Variants in PSAP observed in about 807,000 individuals in gnomAD.
PSAP encodes precursor of saposins.
PSAP carries 25 observed loss-of-function variants against 66.0 expected under a neutral mutation model. That is an observed-to-expected ratio of 0.38 (90% CI 0.28 to 0.53). The LOEUF is 0.53. PSAP is among the 20% of genes least tolerant of loss of function. The pLI, the probability that PSAP is intolerant of heterozygous loss-of-function variation, is 0.83. For missense variants in PSAP, 649 were observed against 668.8 expected (o/e 0.97, Z 0.33); for synonymous variants, 273 against 258.9 (o/e 1.05, Z -0.52).
intron 1 of PSAP, among the ~76,000 whole-genome samples, chr10:71,848,048 G>T (rs1028266882): frequency 6.6e-6 from 1 of 152,144 alleles, no homozygotes; most frequent in African/African-American, 2.4e-5. Flanking sequence ...CTTACACCTA[G>T]CTGATGAACA....
intron 1 of PSAP, among the ~76,000 whole-genome samples, chr10:71,844,464 G>C (rs1842783826): frequency 6.6e-6 from 1 of 152,166 alleles, no homozygotes; most frequent in African/African-American, 2.4e-5. Context: ...TCAGGAGTTT[G>C]AGACCAGCCT....
rs1244889985 is a variant in PSAP at position 71,821,961 on chromosome 10, TTCACCTCA to T, written c.816_823del (p.Asp272GlufsTer29). 1.9e-6 allele frequency: 3 copies of T among 1,614,150 alleles called. No homozygotes were observed. Among genetic ancestry groups the T allele is most frequent in the African/African-American group, 1.3e-5 (1 of 75,016 alleles). ...GACCAGAGTCTGCATGGGCATCTCT[TTCACCTCA>T]TCACAGAACCCAACCAGCGCACAGA... On this transcript the variant is annotated frameshift_variant, in exon 8 of 14. Coordinates refer to ENST00000394936, the MANE Select transcript of PSAP (RefSeq NM_002778.4). LOFTEE classifies it high-confidence loss of function.
chr10:71,849,495 G>A (rs1222201797), intron 1 of PSAP, among the ~76,000 whole-genome samples: 3 of 152,110 alleles, frequency 2.0e-5, no homozygotes, highest in Non-Finnish European at 4.4e-5. Flanking sequence ...CAGAACTTTG[G>A]GAGGCTGAGG....
intron 5 of PSAP, 65 bp downstream of exon 5, chr10:71,828,812 C>T (rs1842449667): frequency 6.4e-7 from 1 of 1,573,490 alleles, no homozygotes; most frequent in African/African-American, 1.3e-5. Context: ...CCCTCTCTGT[C>T]CCTTTGGTCT....
intron 11 of PSAP, 50 bp from the exon 12 acceptor site, chr10:71,819,161 T>C (rs201769418): frequency 5.0e-5 from 76 of 1,520,432 alleles, no homozygotes; most frequent in African/African-American, 2.1e-4. Flanking sequence ...TGTCCGAGCA[T>C]AGTGGGGCAC....
chr10:71,845,115 A>G (rs916531449), intron 1 of PSAP, among the ~76,000 whole-genome samples: 18 of 152,272 alleles, frequency 1.2e-4, no homozygotes, highest in African/African-American at 4.3e-4. Flanking sequence ...ACATATATAA[A>G]TAAGATTTGG....
chr10:71,818,978 AGC>A lies in PSAP; in HGVS notation c.1431+51_1431+52del. On this transcript the variant is annotated intron_variant, in intron 12 of 13. Transcript: ENST00000394936. The stretch of plus-strand genomic sequence containing the variant: ...CAGAGCAACCCTTCCGGGTCTCTGC[AGC>A]CCCCCAGGTTACAGCTGCCCGAGAG... The A allele has an allele frequency of 3.3e-6, 5 of 1,529,738 alleles. No homozygotes were observed. In the East Asian group the frequency reaches 1.1e-4, roughly 35 times the overall value. The allele number at this position is 1,529,738 out of a possible 1,614,324, so 94.8% of individuals were successfully genotyped here.
At chr10:71,843,172 G>A (rs909815309) in intron 1 of PSAP, among the ~76,000 whole-genome samples, 2 of 152,236 alleles carry the variant, frequency 1.3e-5, no homozygotes, top group Non-Finnish European at 2.9e-5. Context: ...GGACCCGAAT[G>A]CACAGAGAGG....
chr10:71,827,717 A>G (rs1225772497), intron 6 of PSAP, among the ~76,000 whole-genome samples: 1 of 143,434 alleles, frequency 7.0e-6, no homozygotes, highest in African/African-American at 2.6e-5. Flanking sequence ...ACAGAGCAAC[A>G]CTCAGTCTCA....
chr10:71,829,457 T>C (rs1842468096), intron 4 of PSAP, among the ~76,000 whole-genome samples: 1 of 152,198 alleles, frequency 6.6e-6, no homozygotes, highest in South Asian at 2.1e-4. Flanking sequence ...CATGATCTGA[T>C]GGTTTTATAA....
chr10:71,826,391 T>C (rs1452343135), intron 6 of PSAP, among the ~76,000 whole-genome samples: 1 of 152,220 alleles, frequency 6.6e-6, no homozygotes, highest in African/African-American at 2.4e-5. Context: ...CTCCACAGAA[T>C]TGCTCCTTGT....
Position 71,831,175 on chromosome 10 carries a change from A to G in PSAP, c.326T>C (p.Ile109Thr). 2 of 1,614,130 alleles carry G rather than the reference A, an allele frequency of 1.2e-6. No individual in the cohort carries two copies. The stretch of plus-strand genomic sequence containing the variant: ...GATGACAGGGAGGTAGGAGTCCACT[A>G]TCTCCTTGCATGAAGCAGACATGTT... ...KPNMSASCKE[I>T]VDSYLPVILD... Residue 109 changes from isoleucine to threonine, a missense_variant, in exon 4 of 14, where the codon ATA (isoleucine) becomes ACA (threonine). Coordinates refer to ENST00000394936, the MANE Select transcript of PSAP (RefSeq NM_002778.4).
At position 71,826,082 on chromosome 10, in the gene PSAP, A is replaced by C. The variant is rs148967875; in HGVS notation, c.721-189T>G. 4.5e-3 allele frequency among the ~76,000 whole-genome samples: 686 copies of C among 152,356 alleles called. 5 individuals carry two copies. Among genetic ancestry groups the C allele is most frequent in the African/African-American group, 0.015 (637 of 41,576 alleles). On this transcript the variant is annotated intron_variant, in intron 6 of 13. Transcript: ENST00000394936. ...ATGAAAATGACAATTTGGTTACTCT[A>C]TCATTTATAGGAAATGTGTGCAAAA...
chr10:71,828,719 T>G (rs1249195140), intron 5 of PSAP, among the ~76,000 whole-genome samples, 158 bp downstream of exon 5: 1 of 152,194 alleles, frequency 6.6e-6, no homozygotes, highest in Non-Finnish European at 1.5e-5. Flanking sequence ...TTTAGAAACT[T>G]CATGGTACAA....
chr10:71,822,070 T>C lies in PSAP; in HGVS notation c.778-63A>G, dbSNP rs186687235. On this transcript the variant is annotated intron_variant, in intron 7 of 13. Coordinates refer to ENST00000394936, the MANE Select transcript of PSAP (RefSeq NM_002778.4). ...TACGCCCACTGCTCCTCAGTCCCAATCCAGCCAGAGGACAGGGAGCTGGAC... is the reference window on the plus strand; with the variant it reads ...TACGCCCACTGCTCCTCAGTCCCAACCCAGCCAGAGGACAGGGAGCTGGAC... The C allele has an allele frequency of 9.3e-6, 15 of 1,611,626 alleles. No homozygotes were observed. In the South Asian group the frequency reaches 1.2e-4, roughly 13 times the overall value.
intron 12 of PSAP, 147 bp downstream of exon 12, chr10:71,818,884 G>A (rs2133029207): frequency 2.0e-6 from 2 of 1,014,338 alleles, no homozygotes; most frequent in Admixed American, 1.9e-5. Flanking sequence ...TGGGGCTTGG[G>A]GGGCTGGCTC....
intron 1 of PSAP, among the ~76,000 whole-genome samples, chr10:71,846,095 A>T (rs1842817024): frequency 6.6e-6 from 1 of 152,122 alleles, no homozygotes; most frequent in Admixed American, 6.5e-5. Context: ...ACAGCAACAA[A>T]GAATACTAAC....
chr10:71,834,306 T>G, intron 2 of PSAP, 66 bp downstream of exon 2: 1 of 1,607,638 alleles, frequency 6.2e-7, no homozygotes, highest in South Asian at 1.1e-5. Flanking sequence ...TGGCAGTGAG[T>G]TACAGCTGTT....
At chr10:71,847,223 G>A (rs12413014) in intron 1 of PSAP, among the ~76,000 whole-genome samples, 61,304 of 151,918 alleles carry the variant, frequency 0.4, 14,370 homozygotes, top group Middle Eastern at 0.53. Context: ...GGGAGGCCGA[G>A]GCAGGCGGAT....
Sources: gnomAD v4.1 joint callset for allele counts (sites outside exome capture counted in the v4.1 genomes callset) on GRCh38, gnomAD v4.1.1 for gene constraint, MANE v1.5 for transcripts, NCBI Gene and HGNC (gene_info 2026-07-23, HGNC 2026-07-21) for gene names.